The following SUPV3L1 variants were observed in gnomAD, a reference collection of about 807,000 sequenced individuals.
The protein encoded by SUPV3L1 is Suv3 like RNA helicase.
In SUPV3L1, 35 loss-of-function variants were observed where a neutral mutation model predicts 70.0. The observed-to-expected ratio is 0.50, with a 90% CI of 0.38 to 0.66. The LOEUF is 0.66. Among genes scored for constraint, SUPV3L1 ranks in the 30% least tolerant of loss-of-function variants. The pLI, the probability that SUPV3L1 is intolerant of heterozygous loss-of-function variation, is 0.00. For synonymous variants in SUPV3L1, 364 were observed against 341.9 expected, an observed-to-expected ratio of 1.06 and a Z score of -0.71; for missense variants, 777 against 961.5, an observed-to-expected ratio of 0.81 and a Z score of 2.54.
intron 6 of SUPV3L1, 96 bp downstream of exon 6, chr10:69,191,862 A>G: frequency 1.1e-6 from 1 of 880,632 alleles, no homozygotes; most frequent in African/African-American, 1.7e-5. Flanking sequence ...GCTGGAATGC[A>G]ATGGTACTAT....
chr10:69,199,247 G>T lies in SUPV3L1; in HGVS notation c.1298+50G>T, dbSNP rs753813760. 20 of 1,412,240 alleles carry T rather than the reference G, an allele frequency of 1.4e-5. No homozygotes were observed. In the East Asian group the frequency reaches 1.7e-4, roughly 12 times the overall value. 87.5% of individuals were successfully genotyped at this position (1,412,240 alleles called of 1,614,324 possible). ...TGAATATTTGGTGAGTTAAATGGTG[G>T]TTTTTTTGTTTTTCAGTTTTCTAAT... On this transcript the variant is annotated intron_variant, in intron 10 of 14. Transcript: ENST00000359655.
chr10:69,193,450 T>C (rs1478802261), intron 6 of SUPV3L1, among the ~76,000 whole-genome samples: 3 of 145,856 alleles, frequency 2.1e-5, no homozygotes, highest in Middle Eastern at 3.4e-3. Context: ...GATCACGAAG[T>C]AGTTTTTTTT....
intron 13 of SUPV3L1, among the ~76,000 whole-genome samples, chr10:69,203,647 G>C (rs1842742305): frequency 7.0e-6 from 1 of 142,298 alleles, no homozygotes; most frequent in Non-Finnish European, 1.5e-5. Flanking sequence ...CTGGGTGACA[G>C]AGCGAGACTC....
At position 69,186,580 on chromosome 10, in the gene SUPV3L1, A is replaced by G. The variant is rs537059191; in HGVS notation, c.457+30A>G. 1.1e-5 allele frequency: 17 copies of G among 1,538,070 alleles called. No individual in the cohort carries two copies. In the East Asian group the frequency reaches 2.9e-4, roughly 26 times the overall value. On this transcript the variant is annotated intron_variant, in intron 3 of 14. Transcript: ENST00000359655. Reference sequence around the variant, plus strand: ...GTGTTTAGAGACTTTTTAAAATCCTATTGAACATACCTTCTATTTCTTCTC... The same window carrying G: ...GTGTTTAGAGACTTTTTAAAATCCTGTTGAACATACCTTCTATTTCTTCTC...
Position 69,195,241 on chromosome 10 carries a change from T to A in SUPV3L1, c.907T>A (p.Trp303Arg). 1 of 1,613,232 alleles carries A rather than the reference T, an allele frequency of 6.2e-7. No homozygotes were observed. The highest frequency in any genetic ancestry group is 8.5e-7 in the Non-Finnish European group (1 of 1,179,670). Residue 303 changes from tryptophan (W) to arginine (R), a missense_variant, in exon 7 of 15, where the codon TGG becomes AGG. Around this residue, in one of 2 missense-constraint regions of SUPV3L1, gnomAD observed 619 missense variants for 823.3 expected, o/e 0.75. Transcript: ENST00000359655. ...IQMIRDPARG[W>R]AWTRALLGLC... The stretch of plus-strand genomic sequence containing the variant: ...AATGATTAGAGATCCAGCCAGAGGA[T>A]GGGCCTGGACCAGAGCACTTCTAGG...
intron 14 of SUPV3L1, 134 bp downstream of exon 14, chr10:69,208,075 G>T: frequency 8.9e-7 from 1 of 1,127,264 alleles, no homozygotes. Context: ...GTCCATAAAG[G>T]CAATTCAACT....
chr10:69,200,154 A>G, intron 10 of SUPV3L1, 126 bp from the exon 11 acceptor site: 1 of 736,510 alleles, frequency 1.4e-6, no homozygotes, highest in Non-Finnish European at 2.2e-6. Flanking sequence ...ACTTTCCTTA[A>G]TTTTGTAAGT....
At chr10:69,183,359 T>C (rs1842120469) in intron 1 of SUPV3L1, among the ~76,000 whole-genome samples, 1 of 152,112 alleles carries the variant, frequency 6.6e-6, no homozygotes, top group Non-Finnish European at 1.5e-5. Flanking sequence ...TTCATTCTAT[T>C]CTCTACCTGC....
At position 69,209,068 on chromosome 10, in the gene SUPV3L1, T is replaced by C; in HGVS notation, c.*33T>C. On this transcript the variant is annotated 3_prime_UTR_variant, in exon 15 of 15. Transcript: ENST00000359655. Reference sequence around the variant, plus strand: ...TTCCTGTTTTTTTTTTTTTATTTAATTTTGCAAATAAAAATTTATTTTGAA... The same window carrying C: ...TTCCTGTTTTTTTTTTTTTATTTAACTTTGCAAATAAAAATTTATTTTGAA... 1 of 1,503,132 alleles carries C rather than the reference T, an allele frequency of 6.7e-7. No homozygotes were observed. 93.1% of individuals were successfully genotyped at this position (1,503,132 alleles called of 1,614,324 possible).
intron 6 of SUPV3L1, chr10:69,192,440 C>G (rs568058196): frequency 6.6e-6 from 1 of 152,170 alleles, no homozygotes; most frequent in South Asian, 2.1e-4. Context: ...TACCAGTATT[C>G]TAGATTGTTG....
rs1475503043 is a variant in SUPV3L1 at position 69,197,075 on chromosome 10, G to A, written c.1015G>A (p.Glu339Lys). Residue 339 changes from glutamate to lysine, a missense_variant, in exon 8 of 15, where the codon GAA (glutamate) becomes AAA (lysine). Glu to Lys is a moderately conservative substitution (Grantham distance 56). Coordinates refer to ENST00000359655, the MANE Select transcript of SUPV3L1 (RefSeq NM_003171.5). ...GGAGCTTATGTACACAACGGGGGAGGAAGTGGAGGTATTCGATTAGATGCT... is the reference window on the plus strand; with the variant it reads ...GGAGCTTATGTACACAACGGGGGAGAAAGTGGAGGTATTCGATTAGATGCT... The part of the protein sequence containing the change: ...VMELMYTTGE[E>K]VEVRDYKRLT... 1 of 1,614,056 alleles carries A rather than the reference G, an allele frequency of 6.2e-7. No homozygotes were observed. Among genetic ancestry groups the A allele is most frequent in the Admixed American group, 1.7e-5 (1 of 60,022 alleles).
At chr10:69,204,719 A>C (rs193246749) in intron 13 of SUPV3L1, among the ~76,000 whole-genome samples, 2 of 151,970 alleles carry the variant, frequency 1.3e-5, no homozygotes, top group African/African-American at 4.8e-5. Flanking sequence ...GCCTATGTGC[A>C]TGTTCATGTG....
intron 10 of SUPV3L1, 35 bp downstream of exon 10, chr10:69,199,232 G>C: frequency 1.3e-6 from 2 of 1,532,524 alleles, no homozygotes; most frequent in Non-Finnish European, 1.8e-6. Flanking sequence ...TGAATATTTG[G>C]TGAGTTAAAT....
At chr10:69,183,552 G>A (rs1842127917) in intron 1 of SUPV3L1, among the ~76,000 whole-genome samples, 1 of 152,160 alleles carries the variant, frequency 6.6e-6, no homozygotes, top group Admixed American at 6.6e-5. Flanking sequence ...GATGGTGTGT[G>A]CCTGTAGTTC....
intron 1 of SUPV3L1, among the ~76,000 whole-genome samples, chr10:69,185,262 T>C (rs1182218655): frequency 6.6e-6 from 1 of 152,226 alleles, no homozygotes; most frequent in Non-Finnish European, 1.5e-5. Context: ...ATCCTCAAAC[T>C]TAACATCAGC....
intron 5 of SUPV3L1, among the ~76,000 whole-genome samples, chr10:69,190,106 A>C (rs529457349): frequency 3.5e-4 from 54 of 152,302 alleles, no homozygotes; most frequent in African/African-American, 1.3e-3. Flanking sequence ...CCACCTCATC[A>C]TATCTTTACA....
At chr10:69,188,066 C>G (rs1208605892) in intron 4 of SUPV3L1, among the ~76,000 whole-genome samples, 1 of 152,110 alleles carries the variant, frequency 6.6e-6, no homozygotes, top group Non-Finnish European at 1.5e-5. Flanking sequence ...TTAATGAGTT[C>G]TTTCCACCAT....
At chr10:69,188,006 C>T (rs1031223363) in intron 4 of SUPV3L1, among the ~76,000 whole-genome samples, 1 of 152,102 alleles carries the variant, frequency 6.6e-6, no homozygotes, top group Non-Finnish European at 1.5e-5. Context: ...GGATGTTGTC[C>T]TTAAGTGTAA....
At chr10:69,199,598 G>T (rs534575051) in intron 10 of SUPV3L1, among the ~76,000 whole-genome samples, 1 of 152,048 alleles carries the variant, frequency 6.6e-6, no homozygotes, top group African/African-American at 2.4e-5. Flanking sequence ...GCCCAAGCTA[G>T]TCTCTAACTC....
Sources: gnomAD v4.1 joint callset for allele counts (sites outside exome capture counted in the v4.1 genomes callset) on GRCh38, gnomAD v4.1.1 for gene constraint, gnomAD v4.1.1 regional missense constraint, MANE v1.5 for transcripts, NCBI Gene and HGNC (gene_info 2026-07-23, HGNC 2026-07-21) for gene names.